Variants in PREX2 observed in about 807,000 individuals in gnomAD.
PREX2 encodes phosphatidylinositol 3,4,5-trisphosphate-dependent Rac exchanger 2 protein.
In PREX2, 107 loss-of-function variants were observed where a neutral mutation model predicts 203.2. The ratio of observed to expected loss-of-function variants is 0.53; its 90% CI spans 0.45 to 0.62. The LOEUF (loss-of-function observed/expected upper bound fraction) is 0.62. PREX2 is among the 20% of genes least tolerant of loss of function. The pLI is 0.00. For missense variants in PREX2, 1,777 were observed against 1,955.9 expected (o/e 0.91, Z 1.72); for synonymous variants, 672 against 663.6 (o/e 1.01, Z -0.19).
At chr8:68,081,330 G>A (rs1334228900) in intron 17 of PREX2, among the ~76,000 whole-genome samples, 1 of 152,136 alleles carries the variant, frequency 6.6e-6, no homozygotes, top group Non-Finnish European at 1.5e-5. Context: ...TCACTCGCCC[G>A]CCGCTCACCT....
intron 15 of PREX2, among the ~76,000 whole-genome samples, chr8:68,078,181 T>A (rs1809404626): frequency 6.6e-6 from 1 of 152,184 alleles, no homozygotes; most frequent in Admixed American, 6.5e-5. Context: ...TTATTTATTT[T>A]TTGAGACAGG....
chr8:68,070,529 A>G (rs539611053), intron 13 of PREX2, among the ~76,000 whole-genome samples: 1 of 152,182 alleles, frequency 6.6e-6, no homozygotes, highest in South Asian at 2.1e-4. Context: ...GTAGATCTTC[A>G]GGAAATTGTA....
At chr8:68,081,227 C>G (rs565503117) in intron 17 of PREX2, among the ~76,000 whole-genome samples, 1 of 152,254 alleles carries the variant, frequency 6.6e-6, no homozygotes, top group South Asian at 2.1e-4. Context: ...CAACATAGAT[C>G]CCCCGCATGC....
intron 32 of PREX2, among the ~76,000 whole-genome samples, chr8:68,136,074 T>C (rs1811107876): frequency 6.6e-6 from 1 of 152,134 alleles, no homozygotes; most frequent in African/African-American, 2.4e-5. Context: ...AGCTGATGGT[T>C]GGGGGCAGGA....
chr8:68,030,683 G>T, intron 6 of PREX2, 25 bp downstream of exon 6: 1 of 1,611,642 alleles, frequency 6.2e-7, no homozygotes, highest in South Asian at 1.1e-5. Context: ...CTTGACAATC[G>T]AGCTTAAGAT....
intron 26 of PREX2, among the ~76,000 whole-genome samples, chr8:68,118,235 G>A (rs1585808214): frequency 6.6e-6 from 1 of 151,644 alleles, no homozygotes; most frequent in Non-Finnish European, 1.5e-5. Flanking sequence ...GGCGCCTGTA[G>A]TCCCAGCTAC....
At chr8:67,992,537 T>TA (rs980880465) in intron 1 of PREX2, among the ~76,000 whole-genome samples, 1 of 152,278 alleles carries the variant, frequency 6.6e-6, no homozygotes, top group Middle Eastern at 3.4e-3. Context: ...TTGAACCTTT[T>TA]AAAAAAAGTG....
chr8:68,168,491 A>G (rs1266496043), intron 35 of PREX2, among the ~76,000 whole-genome samples: 1 of 152,238 alleles, frequency 6.6e-6, no homozygotes, highest in African/African-American at 2.4e-5. Flanking sequence ...GCATTTTTAA[A>G]TGTACAATCT....
chr8:68,123,520 T>C (rs1381241298), intron 30 of PREX2, among the ~76,000 whole-genome samples: 9 of 150,850 alleles, frequency 6.0e-5, no homozygotes, highest in Non-Finnish European at 1.3e-4. Context: ...AGAGAGAAGA[T>C]CCAAACAAAC....
At chr8:68,173,776 G>A (rs1811926620) in intron 35 of PREX2, among the ~76,000 whole-genome samples, 1 of 152,192 alleles carries the variant, frequency 6.6e-6, no homozygotes. Flanking sequence ...TCTTCAAAAA[G>A]AATTCTTTGA....
intron 8 of PREX2, among the ~76,000 whole-genome samples, chr8:68,049,643 T>C (rs1563517959): frequency 6.6e-6 from 1 of 152,148 alleles, no homozygotes. Flanking sequence ...TGAATTTGGA[T>C]ATTCCACATT....
rs570081214 is a variant in PREX2 at position 68,168,059 on chromosome 8, T to C, written c.4346+10623T>C. 7.5e-4 allele frequency among the ~76,000 whole-genome samples: 114 copies of C among 152,346 alleles called. 1 individual carries two copies. The highest frequency in any genetic ancestry group is 4.0e-4 in the Non-Finnish European group (27 of 68,040). ...AATATCAGATCATTCTACTAGTCTTTAAATGTGCTTTATTTATGGTTATTA... is the reference window on the plus strand; with the variant it reads ...AATATCAGATCATTCTACTAGTCTTCAAATGTGCTTTATTTATGGTTATTA... On this transcript the variant is annotated intron_variant, in intron 35 of 39. Coordinates refer to ENST00000288368, the MANE Select transcript of PREX2 (RefSeq NM_024870.4).
intron 3 of PREX2, 68 bp downstream of exon 3, chr8:68,019,739 A>G (rs1434072938): frequency 2.1e-6 from 3 of 1,454,364 alleles, no homozygotes; most frequent in Non-Finnish European, 2.8e-6. Context: ...CTCTTGGCAT[A>G]GTGGTATGTG....
chr8:68,022,172 GAT>G (rs771426920), intron 4 of PREX2, 32 bp downstream of exon 4: 1 of 1,048,488 alleles, frequency 9.5e-7, no homozygotes, highest in Admixed American at 1.7e-5. Flanking sequence ...ACTGTATGTT[GAT>G]ATGTGTTGCT....
intron 33 of PREX2, among the ~76,000 whole-genome samples, chr8:68,142,925 C>G (rs2129613590): frequency 6.6e-6 from 1 of 152,204 alleles, no homozygotes. Context: ...AATGAGTGCT[C>G]CTATCACTCC....
At chr8:68,116,242 G>A (rs1325117688) in intron 26 of PREX2, among the ~76,000 whole-genome samples, 1 of 152,140 alleles carries the variant, frequency 6.6e-6, no homozygotes, top group African/African-American at 2.4e-5. Flanking sequence ...GCCTATACAG[G>A]ATTAACATTG....
chr8:68,107,748 C>T (rs1263814353), intron 23 of PREX2, among the ~76,000 whole-genome samples: 2 of 152,200 alleles, frequency 1.3e-5, no homozygotes, highest in Non-Finnish European at 2.9e-5. Context: ...GATCTCCATT[C>T]TCTCCTGGTG....
At chr8:68,109,048 G>T (rs1004657470) in intron 24 of PREX2, 9 of 448,540 alleles carry the variant, frequency 2.0e-5, no homozygotes, top group Non-Finnish European at 3.5e-5. Flanking sequence ...GCCTGGGGTG[G>T]TTGGGTGGGG....
chr8:67,970,726 A>T (rs1805902834), intron 1 of PREX2, among the ~76,000 whole-genome samples: 1 of 152,220 alleles, frequency 6.6e-6, no homozygotes, highest in South Asian at 2.1e-4. Context: ...TGTGATTGTG[A>T]AACAACTGAT....
Sources: gnomAD v4.1 joint callset for allele counts (sites outside exome capture counted in the v4.1 genomes callset) on GRCh38, gnomAD v4.1.1 for gene constraint, MANE v1.5 for transcripts, NCBI Gene and HGNC (gene_info 2026-07-23, HGNC 2026-07-21) for gene names.